Variants in KLHL8 observed in about 807,000 individuals in gnomAD.
KLHL8 encodes the protein kelch-like protein 8.
In KLHL8, 38 loss-of-function variants were observed where a neutral mutation model predicts 63.5. That is an observed-to-expected ratio of 0.60 (90% CI 0.46 to 0.78). KLHL8 has a LOEUF of 0.78. KLHL8 is among the 30% of genes least tolerant of loss of function. The pLI, the probability that KLHL8 is intolerant of heterozygous loss-of-function variation, is 0.00. For synonymous variants in KLHL8, 224 were observed against 254.3 expected, an observed-to-expected ratio of 0.88 and a Z score of 1.13; for missense variants, 566 against 752.4, an observed-to-expected ratio of 0.75 and a Z score of 2.90.
chr4:87,217,330 T>C (rs567942860), intron 1 of KLHL8, among the ~76,000 whole-genome samples: 82 of 152,024 alleles, frequency 5.4e-4, no homozygotes, highest in African/African-American at 1.8e-3. Context: ...CCCTCATCTC[T>C]TGCTTTTTTT....
At position 87,185,209 on chromosome 4, in the gene KLHL8, A is replaced by G. The variant is rs752087389; in HGVS notation, c.765+42T>C. On this transcript the variant is annotated intron_variant, in intron 3 of 9. Coordinates refer to ENST00000273963, the MANE Select transcript of KLHL8 (RefSeq NM_020803.5). ...AAATGAAGCATGTTGATTTGCTTCCATATCACTTCATTTCTGTGTGAAATC... is the reference window on the plus strand; with the variant it reads ...AAATGAAGCATGTTGATTTGCTTCCGTATCACTTCATTTCTGTGTGAAATC... 3.3e-6 allele frequency: 5 copies of G among 1,510,934 alleles called. No homozygotes were observed. In the South Asian group the frequency reaches 3.9e-5, roughly 12 times the overall value. The allele number at this position is 1,510,934 out of a possible 1,614,324, so 93.6% of individuals were successfully genotyped here.
At chr4:87,237,620 G>T (rs998355706) in intron 1 of KLHL8, among the ~76,000 whole-genome samples, 1 of 152,138 alleles carries the variant, frequency 6.6e-6, no homozygotes, top group African/African-American at 2.4e-5. Flanking sequence ...ACGAGCCCAG[G>T]AGTTAGAGAC....
At position 87,209,430 on chromosome 4, in the gene KLHL8, C is replaced by T. The variant is rs921024483; in HGVS notation, c.-152+10988G>A. On this transcript the variant is annotated intron_variant, in intron 1 of 9. Transcript: ENST00000273963. ...TTGCTCCTCTAAGTGCCAGTAAAGG[C>T]ATATCGATCAACAAAATAGGAAGTT... Among the ~76,000 whole-genome samples the T allele has an allele frequency of 2.0e-5, 3 of 151,972 alleles. No homozygotes were observed. In the South Asian group the frequency reaches 6.2e-4, roughly 32 times the overall value.
chr4:87,214,444 ATATATATATATATAT>A (rs1732519778), intron 1 of KLHL8, among the ~76,000 whole-genome samples: 1 of 83,706 alleles, frequency 1.2e-5, no homozygotes. Context: ...ATATATATAT[ATATATATATATATAT>A]AATTGTCATC....
At chr4:87,233,085 G>C (rs1376858091) in intron 1 of KLHL8, among the ~76,000 whole-genome samples, 1 of 151,962 alleles carries the variant, frequency 6.6e-6, no homozygotes, top group African/African-American at 2.4e-5. Flanking sequence ...TGTCGCCAAG[G>C]CTGGGGTGTA....
intron 1 of KLHL8, among the ~76,000 whole-genome samples, chr4:87,237,467 T>G (rs1482008038): frequency 6.6e-6 from 1 of 152,108 alleles, no homozygotes; most frequent in Non-Finnish European, 1.5e-5. Flanking sequence ...AACAGAAAAT[T>G]AGCCTAGTTC....
intron 8 of KLHL8, 80 bp downstream of exon 8, chr4:87,169,999 C>A: frequency 9.2e-7 from 1 of 1,088,326 alleles, no homozygotes; most frequent in South Asian, 1.6e-5. Context: ...AGGCTAAATG[C>A]AATGTAATTT....
At chr4:87,213,544 G>A (rs1197445709) in intron 1 of KLHL8, among the ~76,000 whole-genome samples, 5 of 152,168 alleles carry the variant, frequency 3.3e-5, no homozygotes, top group Non-Finnish European at 7.4e-5. Flanking sequence ...GGGATTCAGG[G>A]ATTGGCAGAC....
In KLHL8 at chr4:87,174,402, C is replaced by T. The variant is rs571272735; in HGVS notation, c.1208+2355G>A. ...CAAGCGATTCTCATGCCTTAGCCTC[C>T]GCAGCAGCTGGGATTACAGGCACCC... On this transcript the variant is annotated intron_variant, in intron 6 of 9. Transcript: ENST00000273963. Among the ~76,000 whole-genome samples the T allele has an allele frequency of 6.6e-5, 10 of 152,044 alleles. No individual in the cohort carries two copies. In the South Asian group the frequency reaches 1.2e-3, roughly 19 times the overall value.
chr4:87,215,132 A>G (rs1357865150), intron 1 of KLHL8, among the ~76,000 whole-genome samples: 1 of 152,212 alleles, frequency 6.6e-6, no homozygotes, highest in South Asian at 2.1e-4. Flanking sequence ...AGGAGAAGCC[A>G]TACAAATCAC....
chr4:87,201,352 C>T lies in KLHL8; in HGVS notation c.-151-5662G>A, dbSNP rs540534357. ...ATAGTATAGTCTAAATGTGCATACA[C>T]CTAACTTCAAATCTTCAAATCTTCA... On this transcript the variant is annotated intron_variant, in intron 1 of 9. Coordinates refer to ENST00000273963, the MANE Select transcript of KLHL8 (RefSeq NM_020803.5). Among the ~76,000 whole-genome samples the T allele has an allele frequency of 2.6e-5, 4 of 152,222 alleles. No homozygotes were observed. The South Asian group carries it at 8.3e-4, about 32-fold the overall frequency.
chr4:87,193,296 A>G (rs1731565116), intron 2 of KLHL8, among the ~76,000 whole-genome samples: 1 of 152,136 alleles, frequency 6.6e-6, no homozygotes, highest in African/African-American at 2.4e-5. Flanking sequence ...AAACTAAGAC[A>G]CAAACTCAGA....
chr4:87,162,682 C>T lies in KLHL8; in HGVS notation c.*837G>A, dbSNP rs1410268997. ...GTTAAAGATATTTTCAGACTGCCCA[C>T]ATTAGAGTCATGTAATCTGCATCAT... On this transcript the variant is annotated 3_prime_UTR_variant, in exon 10 of 10. Transcript: ENST00000273963. 2.6e-5 allele frequency: 4 copies of T among 152,176 alleles called. No individual in the cohort carries two copies. Among genetic ancestry groups the T allele is most frequent in the African/African-American group, 4.8e-5 (2 of 41,448 alleles). 9.4% of individuals were successfully genotyped at this position (152,176 alleles called of 1,614,324 possible). A position where few individuals can be genotyped will look rare whatever the true frequency, so the allele number is the denominator to read the frequency against.
intron 1 of KLHL8, among the ~76,000 whole-genome samples, chr4:87,216,718 T>C (rs773620504): frequency 1.9e-4 from 29 of 152,154 alleles, no homozygotes; most frequent in Non-Finnish European, 3.1e-4. Flanking sequence ...AACCAAACAA[T>C]ATACTTTCTT....
chr4:87,176,897 A>T, intron 5 of KLHL8, 29 bp from the exon 6 acceptor site: 1 of 1,118,242 alleles, frequency 8.9e-7, no homozygotes, highest in African/African-American at 1.6e-5. Context: ...TTTTCATTTG[A>T]CTCCAAACAA....
intron 6 of KLHL8, among the ~76,000 whole-genome samples, chr4:87,174,558 C>T (rs1379917715): frequency 6.6e-6 from 1 of 152,168 alleles, no homozygotes; most frequent in Non-Finnish European, 1.5e-5. Flanking sequence ...GGATTACAGG[C>T]ATGAGCCACC....
intron 8 of KLHL8, chr4:87,167,449 T>C: frequency 2.0e-6 from 1 of 498,918 alleles, no homozygotes. Context: ...GTCCTCACTG[T>C]TCTGCCCCAT....
At chr4:87,204,166 C>T (rs1192699214) in intron 1 of KLHL8, among the ~76,000 whole-genome samples, 1 of 152,088 alleles carries the variant, frequency 6.6e-6, no homozygotes, top group East Asian at 1.9e-4. Context: ...CACTATCATC[C>T]GATCATGCCT....
chr4:87,169,038 C>T (rs1012412170), intron 8 of KLHL8, among the ~76,000 whole-genome samples: 8 of 151,466 alleles, frequency 5.3e-5, no homozygotes, highest in Non-Finnish European at 7.4e-5. Context: ...GGTGTGGTGG[C>T]TCATGCCTGT....
Sources: allele counts gnomAD v4.1 joint callset (sites outside exome capture counted in the v4.1 genomes callset), GRCh38; gene constraint gnomAD v4.1.1; transcripts MANE v1.5; gene names NCBI Gene and HGNC (gene_info 2026-07-23, HGNC 2026-07-21).